The following SCFD2 variants were observed in gnomAD, a reference collection of about 807,000 sequenced individuals.
SCFD2 encodes the protein sec1 family domain-containing protein 2.
A neutral mutation model predicts 58.9 loss-of-function variants in SCFD2; 54 were observed. The observed-to-expected ratio is 0.92, with a 90% CI of 0.74 to 1.15. SCFD2 has a LOEUF of 1.15. Among genes scored for constraint, SCFD2 ranks in the 50% most tolerant of loss-of-function variants. The pLI is 0.00. For missense variants in SCFD2, 805 were observed against 836.6 expected (o/e 0.96, Z 0.47); for synonymous variants, 321 against 335.9 (o/e 0.96, Z 0.49).
At chr4:52,986,448 A>G (rs1252120156) in intron 5 of SCFD2, among the ~76,000 whole-genome samples, 1 of 151,784 alleles carries the variant, frequency 6.6e-6, no homozygotes, top group Admixed American at 6.6e-5. Flanking sequence ...ATGAAGAGAG[A>G]AGAAAGACAC....
Position 52,873,890 on chromosome 4 carries a change from T to A in SCFD2, c.*79A>T, listed in dbSNP as rs1412794553. ...CAATTAGTGACAGGGACGCTGGTTGTGGAGGAGTATTTGGAGTGGTGGCAG... is the reference window on the plus strand; with the variant it reads ...CAATTAGTGACAGGGACGCTGGTTGAGGAGGAGTATTTGGAGTGGTGGCAG... On this transcript the variant is annotated 3_prime_UTR_variant, in exon 9 of 9. Coordinates refer to ENST00000401642, the MANE Select transcript of SCFD2 (RefSeq NM_152540.4). 4.1e-6 allele frequency: 4 copies of A among 974,720 alleles called. No individual in the cohort carries two copies. In the East Asian group the frequency reaches 9.6e-5, roughly 23 times the overall value. The allele number at this position is 974,720 out of a possible 1,614,324, so 60.4% of individuals were successfully genotyped here.
chr4:53,304,099 T>C (rs1314170589), intron 3 of SCFD2, among the ~76,000 whole-genome samples: 2 of 7,198 alleles, frequency 2.8e-4, no homozygotes, highest in African/African-American at 3.2e-4. Context: ...ACTTAAATAA[T>C]AATAAAAAAA....
intron 5 of SCFD2, among the ~76,000 whole-genome samples, chr4:52,961,435 C>T (rs1170349384): frequency 6.6e-6 from 1 of 152,206 alleles, no homozygotes; most frequent in Non-Finnish European, 1.5e-5. Context: ...CCAGACCTAT[C>T]CCTGGCCTTT....
intron 3 of SCFD2, among the ~76,000 whole-genome samples, chr4:53,302,134 T>C (rs533438035): frequency 3.9e-5 from 6 of 152,258 alleles, no homozygotes; most frequent in African/African-American, 1.4e-4. Context: ...ATAAAGGGCA[T>C]TCAATTAGGA....
intron 1 of SCFD2, among the ~76,000 whole-genome samples, chr4:53,353,305 G>A (rs1210796762): frequency 6.6e-6 from 1 of 152,148 alleles, no homozygotes; most frequent in African/African-American, 2.4e-5. Flanking sequence ...CAGTGGGTTC[G>A]TGGTCTCACT....
At chr4:52,970,458 C>T (rs531456858) in intron 5 of SCFD2, among the ~76,000 whole-genome samples, 6 of 152,288 alleles carry the variant, frequency 3.9e-5, no homozygotes, top group South Asian at 2.1e-4. Flanking sequence ...AAGGTGGCAG[C>T]GAGGCTCGGG....
At chr4:53,156,820 T>C (rs568257448) in intron 4 of SCFD2, among the ~76,000 whole-genome samples, 2 of 152,280 alleles carry the variant, frequency 1.3e-5, no homozygotes, top group Non-Finnish European at 2.9e-5. Flanking sequence ...ACTTCTGCTA[T>C]ATACTAACGA....
intron 2 of SCFD2, among the ~76,000 whole-genome samples, chr4:53,337,205 T>C (rs943026002): frequency 2.0e-5 from 3 of 152,216 alleles, no homozygotes; most frequent in African/African-American, 7.2e-5. Context: ...GGCCCACTTC[T>C]TGTGTGTTCA....
intron 5 of SCFD2, among the ~76,000 whole-genome samples, chr4:53,001,371 C>T (rs181526766): frequency 2.8e-4 from 43 of 152,244 alleles, no homozygotes; most frequent in Admixed American, 7.8e-4. Context: ...TCCCTTTTAG[C>T]GTTACTGATT....
chr4:53,211,894 A>G (rs1347673235), intron 4 of SCFD2, among the ~76,000 whole-genome samples: 1 of 152,126 alleles, frequency 6.6e-6, no homozygotes, highest in Non-Finnish European at 1.5e-5. Flanking sequence ...TCAAGAATGT[A>G]AAGGGGTCCT....
intron 7 of SCFD2, among the ~76,000 whole-genome samples, chr4:52,903,739 C>G (rs1486467509): frequency 6.6e-6 from 1 of 152,192 alleles, no homozygotes; most frequent in Non-Finnish European, 1.5e-5. Context: ...TTTTACCTTG[C>G]TAGATGCAGT....
intron 4 of SCFD2, among the ~76,000 whole-genome samples, chr4:53,258,577 T>TAG (rs757658747): frequency 8.2e-6 from 1 of 121,374 alleles, no homozygotes; most frequent in African/African-American, 3.2e-5. Flanking sequence ...TATATATATA[T>TAG]ACACACACAT....
rs531637398 is a variant in SCFD2, at chr4:53,326,721, AAC to A, written c.1008-12960_1008-12959del. ...CAAGTACCAAGATCAAAAGAATGAA[AAC>A]ACAAACCAACCAAGACTGCCATTAA... On this transcript the variant is annotated intron_variant, in intron 2 of 8. Coordinates refer to ENST00000401642, the MANE Select transcript of SCFD2 (RefSeq NM_152540.4). 3.1e-4 allele frequency among the ~76,000 whole-genome samples: 47 copies of A among 152,300 alleles called. 1 individual carries two copies. In the East Asian group the frequency reaches 7.2e-3, roughly 23 times the overall value.
At chr4:53,216,595 C>A (rs1237314784) in intron 4 of SCFD2, among the ~76,000 whole-genome samples, 1 of 149,626 alleles carries the variant, frequency 6.7e-6, no homozygotes, top group Non-Finnish European at 1.5e-5. Flanking sequence ...TTCAAAAAAC[C>A]AGCTCCTGGA....
rs542058688 is a variant in SCFD2 at position 53,271,963 on chromosome 4, T to G, written c.1311+1863A>C. On this transcript the variant is annotated intron_variant, in intron 4 of 8. Transcript: ENST00000401642. ...TTTTGCAATCTACTCATCTGACAAA[T>G]GGCTAATATCCAGAATCTACAATGA... Among the ~76,000 whole-genome samples the G allele has an allele frequency of 1.5e-4, 23 of 152,112 alleles. No individual in the cohort carries two copies. In the East Asian group the frequency reaches 2.5e-3, roughly 17 times the overall value.
At chr4:53,292,809 A>G (rs1731886305) in intron 3 of SCFD2, among the ~76,000 whole-genome samples, 1 of 152,218 alleles carries the variant, frequency 6.6e-6, no homozygotes, top group Non-Finnish European at 1.5e-5. Context: ...CCAAATGTCC[A>G]TCAATGGTAG....
At chr4:52,972,334 A>T (rs186386208) in intron 5 of SCFD2, among the ~76,000 whole-genome samples, 55 of 152,304 alleles carry the variant, frequency 3.6e-4, no homozygotes, top group Admixed American at 7.2e-4. Context: ...CTACCAAGCA[A>T]ATGGAAAACA....
At chr4:53,212,902 T>C (rs756252311) in intron 4 of SCFD2, among the ~76,000 whole-genome samples, 2 of 151,820 alleles carry the variant, frequency 1.3e-5, no homozygotes, top group African/African-American at 2.4e-5. Flanking sequence ...TGTTAACAAA[T>C]ACAGTTGATT....
intron 4 of SCFD2, among the ~76,000 whole-genome samples, chr4:53,264,828 T>C (rs912504545): frequency 4.6e-5 from 7 of 152,230 alleles, no homozygotes; most frequent in Admixed American, 2.0e-4. Context: ...ATCCTACCTA[T>C]TAAAAACTAC....
Sources: allele counts gnomAD v4.1 joint callset (sites outside exome capture counted in the v4.1 genomes callset), GRCh38; gene constraint gnomAD v4.1.1; transcripts MANE v1.5; gene names NCBI Gene and HGNC (gene_info 2026-07-23, HGNC 2026-07-21).